The following UNC13C variants were observed in gnomAD, a reference collection of about 807,000 sequenced individuals.
The protein encoded by UNC13C is protein unc-13 homolog C.
UNC13C carries 174 observed loss-of-function variants against 245.4 expected under a neutral mutation model. That is an observed-to-expected ratio of 0.71 (90% CI 0.63 to 0.80). The LOEUF is 0.80. Ranked by LOEUF, UNC13C falls within the 30% of genes least tolerant of loss-of-function variation. UNC13C has a pLI of 0.00. For synonymous variants in UNC13C, 992 were observed against 895.1 expected, an observed-to-expected ratio of 1.11 and a Z score of -1.93; for missense variants, 2,829 against 2,602.9, an observed-to-expected ratio of 1.09 and a Z score of -1.89.
intron 10 of UNC13C, among the ~76,000 whole-genome samples, chr15:54,283,771 T>A (rs1408637384): frequency 2.0e-5 from 3 of 152,036 alleles, no homozygotes; most frequent in Non-Finnish European, 4.4e-5. Flanking sequence ...AAAGTAATTA[T>A]CATTACTTCA....
chr15:53,848,350 T>C, the UNC13C span, among the ~76,000 whole-genome samples: 1 of 152,172 alleles, frequency 6.6e-6, no homozygotes, highest in African/African-American at 2.4e-5. Context: ...TTTCATTCAT[T>C]TAAAATATTT....
At chr15:54,216,418 T>A (rs1206741596) in intron 4 of UNC13C, among the ~76,000 whole-genome samples, 2 of 151,942 alleles carry the variant, frequency 1.3e-5, no homozygotes, top group African/African-American at 2.4e-5. Flanking sequence ...CTAAAAAATG[T>A]CAGGGAAAAT....
At chr15:54,252,324 AAAC>A (rs1259217765) in intron 8 of UNC13C, among the ~76,000 whole-genome samples, 5 of 152,176 alleles carry the variant, frequency 3.3e-5, no homozygotes, top group African/African-American at 1.2e-4. Flanking sequence ...CCATTTCTTA[AAAC>A]AACATTTATT....
chr15:54,383,912 C>T (rs927984078), intron 17 of UNC13C, among the ~76,000 whole-genome samples: 2 of 151,634 alleles, frequency 1.3e-5, no homozygotes, highest in Non-Finnish European at 2.9e-5. Context: ...GTCTCATTTT[C>T]AATAGCTGCA....
intron 30 of UNC13C, among the ~76,000 whole-genome samples, chr15:54,593,629 CTT>C (rs1464127722): frequency 6.6e-6 from 1 of 152,102 alleles, no homozygotes; most frequent in Non-Finnish European, 1.5e-5. Flanking sequence ...ATTGCTGAGA[CTT>C]TTCAGGGCAT....
Position 54,419,574 on chromosome 15 carries a change from A to T in UNC13C, c.4933+4507A>T, listed in dbSNP as rs549443345. Reference sequence around the variant, plus strand: ...AGACTTACCTGTTTAGATATTTTTAATTAGTAGATGGTCACTATATAAATA... The same window carrying T: ...AGACTTACCTGTTTAGATATTTTTATTTAGTAGATGGTCACTATATAAATA... On this transcript the variant is annotated intron_variant, in intron 19 of 32. Transcript: ENST00000260323. 4.6e-5 allele frequency among the ~76,000 whole-genome samples: 7 copies of T among 152,236 alleles called. No homozygotes were observed. In the South Asian group the frequency reaches 1.2e-3, roughly 27 times the overall value.
the UNC13C span, among the ~76,000 whole-genome samples, chr15:53,866,956 T>A: frequency 3.3e-5 from 5 of 152,180 alleles, no homozygotes; most frequent in Non-Finnish European, 7.3e-5. Context: ...TTGGAAATGG[T>A]TTCAGGTTGT....
At chr15:54,410,116 G>C (rs1035428320) in intron 18 of UNC13C, among the ~76,000 whole-genome samples, 2 of 152,094 alleles carry the variant, frequency 1.3e-5, no homozygotes, top group African/African-American at 4.8e-5. Context: ...CTGCATTTCC[G>C]TAATGATTAG....
At chr15:54,403,600 C>A (rs1051422391) in intron 18 of UNC13C, among the ~76,000 whole-genome samples, 2 of 150,068 alleles carry the variant, frequency 1.3e-5, no homozygotes, top group African/African-American at 4.9e-5. Flanking sequence ...CCAGTAGTCC[C>A]AGCTATTAGG....
chr15:54,466,699 C>T (rs549080298), intron 19 of UNC13C, among the ~76,000 whole-genome samples: 2 of 151,902 alleles, frequency 1.3e-5, no homozygotes, highest in South Asian at 4.2e-4. Flanking sequence ...TCCTAAGAAG[C>T]GTATCAGTGT....
At chr15:54,380,898 G>A (rs1162362286) in intron 17 of UNC13C, among the ~76,000 whole-genome samples, 1 of 151,994 alleles carries the variant, frequency 6.6e-6, no homozygotes, top group Non-Finnish European at 1.5e-5. Flanking sequence ...TATTTTTCTG[G>A]TTCTATAAGC....
intron 2 of UNC13C, among the ~76,000 whole-genome samples, chr15:54,135,981 C>G (rs2031708881): frequency 6.6e-6 from 1 of 152,122 alleles, no homozygotes. Context: ...TGCAGGCACA[C>G]TGAACATCTT....
At chr15:54,328,940 G>T (rs1265420537) in intron 14 of UNC13C, among the ~76,000 whole-genome samples, 7 of 151,952 alleles carry the variant, frequency 4.6e-5, no homozygotes, top group East Asian at 1.9e-4. Context: ...TTTACATATT[G>T]TCTATGGCAG....
intron 2 of UNC13C, among the ~76,000 whole-genome samples, chr15:54,117,045 A>G (rs1465115310): frequency 1.3e-5 from 2 of 152,124 alleles, no homozygotes; most frequent in Non-Finnish European, 2.9e-5. Context: ...TTTTTTTCAT[A>G]TACCATTTGT....
chr15:54,500,769 AGTGAAGATTTTTCCATTCCGCCTCTAAT>A (rs1894171839), intron 21 of UNC13C, 38 bp from the exon 22 acceptor site: 1 of 1,386,376 alleles, frequency 7.2e-7, no homozygotes, highest in African/African-American at 1.4e-5. Flanking sequence ...GATGGGAAAC[AGTGAAGATTTTTCCATTCCGCCTCTAAT>A]GTACTGTTTG....
At chr15:54,599,833 A>G (rs754172950) in intron 30 of UNC13C, among the ~76,000 whole-genome samples, 1 of 152,140 alleles carries the variant, frequency 6.6e-6, no homozygotes, top group Non-Finnish European at 1.5e-5. Context: ...AGTAGTACTT[A>G]TAACATAAAA....
At chr15:53,858,967 G>A in the UNC13C span, among the ~76,000 whole-genome samples, 2 of 151,692 alleles carry the variant, frequency 1.3e-5, no homozygotes, top group African/African-American at 4.8e-5. Flanking sequence ...AAAAATTATT[G>A]TGTTTAGATA....
chr15:54,026,437 C>T (rs1430218024), intron 2 of UNC13C, among the ~76,000 whole-genome samples: 1 of 152,170 alleles, frequency 6.6e-6, no homozygotes, highest in Non-Finnish European at 1.5e-5. Flanking sequence ...GAAGTTAGAA[C>T]ACCTGGCCTG....
chr15:54,009,197 A>G (rs1895272339), intron 1 of UNC13C, among the ~76,000 whole-genome samples: 1 of 152,212 alleles, frequency 6.6e-6, no homozygotes, highest in Admixed American at 6.5e-5. Context: ...TAGAGATAAA[A>G]GGTATCTTCC....
Sources: allele counts gnomAD v4.1 joint callset (sites outside exome capture counted in the v4.1 genomes callset), GRCh38; gene constraint gnomAD v4.1.1; transcripts MANE v1.5; gene names NCBI Gene and HGNC (gene_info 2026-07-23, HGNC 2026-07-21).